Variants in INPP4B observed in about 807,000 individuals in gnomAD.
The protein encoded by INPP4B is inositol polyphosphate 4-phosphatase type II.
In INPP4B, 55 loss-of-function variants were observed where a neutral mutation model predicts 122.5. The observed-to-expected ratio is 0.45, with a 90% CI of 0.36 to 0.56. The LOEUF is 0.56. Among genes scored for constraint, INPP4B ranks in the 20% least tolerant of loss-of-function variants. The pLI is 0.00. For missense variants in INPP4B, 1,000 were observed against 1,097.7 expected, an observed-to-expected ratio of 0.91 and a Z score of 1.26; for synonymous variants, 403 against 388.7, an observed-to-expected ratio of 1.04 and a Z score of -0.43.
intron 7 of INPP4B, among the ~76,000 whole-genome samples, chr4:142,320,646 C>T (rs1769646989): frequency 6.6e-6 from 1 of 152,100 alleles, no homozygotes; most frequent in Non-Finnish European, 1.5e-5. Context: ...AATCCCTCAC[C>T]CCACTCCCAC....
At chr4:142,647,537 A>G (rs992755617) in intron 2 of INPP4B, among the ~76,000 whole-genome samples, 3 of 152,148 alleles carry the variant, frequency 2.0e-5, no homozygotes, top group Admixed American at 6.6e-5. Flanking sequence ...CGCCTGCCCA[A>G]TTGTGTGTGG....
intron 2 of INPP4B, among the ~76,000 whole-genome samples, chr4:142,625,014 C>A (rs1304589457): frequency 2.0e-5 from 3 of 150,692 alleles, no homozygotes; most frequent in Admixed American, 6.6e-5. Flanking sequence ...GACAAACCCA[C>A]AGCCAATATC....
intron 1 of INPP4B, among the ~76,000 whole-genome samples, chr4:142,736,503 A>G (rs1471393366): frequency 6.6e-6 from 1 of 152,144 alleles, no homozygotes; most frequent in Non-Finnish European, 1.5e-5. Context: ...CTCCTTGAAG[A>G]GGTCCTTCAC....
At chr4:142,367,039 G>A (rs1787760463) in intron 7 of INPP4B, among the ~76,000 whole-genome samples, 1 of 152,122 alleles carries the variant, frequency 6.6e-6, no homozygotes, top group South Asian at 2.1e-4. Flanking sequence ...TTAAGGGGAA[G>A]AACCATATGT....
chr4:142,439,407 T>C (rs189597764), intron 3 of INPP4B, among the ~76,000 whole-genome samples: 2 of 152,314 alleles, frequency 1.3e-5, no homozygotes, highest in African/African-American at 2.4e-5. Flanking sequence ...AATAAATCTT[T>C]TGCATGTCTC....
intron 1 of INPP4B, among the ~76,000 whole-genome samples, chr4:142,807,038 T>A (rs1372380576): frequency 6.6e-6 from 1 of 152,202 alleles, no homozygotes; most frequent in Non-Finnish European, 1.5e-5. Flanking sequence ...TGATGTTACA[T>A]GAGCTGTTCC....
rs188672711 is a variant in INPP4B, at chr4:142,747,263, T to A, written c.-253-21362A>T. ...AAAATATTTATGTGGCCAACAAACA[T>A]GAAAAAAAGCTCATCATCACTGGTC... On this transcript the variant is annotated intron_variant, in intron 1 of 25. Transcript: ENST00000262992. Among the ~76,000 whole-genome samples, 5 of 151,922 alleles carry A rather than the reference T, an allele frequency of 3.3e-5. No individual in the cohort carries two copies. The East Asian group carries it at 9.7e-4, about 29-fold the overall frequency.
chr4:142,222,309 T>C (rs541078738), intron 12 of INPP4B, among the ~76,000 whole-genome samples: 21 of 152,348 alleles, frequency 1.4e-4, no homozygotes, highest in African/African-American at 4.6e-4. Flanking sequence ...TATTCAGTTA[T>C]GCAGGCCAGA....
intron 9 of INPP4B, among the ~76,000 whole-genome samples, chr4:142,276,350 C>A (rs1292921358): frequency 6.6e-6 from 1 of 151,848 alleles, no homozygotes; most frequent in African/African-American, 2.4e-5. Context: ...TCTTTCAAGT[C>A]TTTGTATCAG....
At chr4:142,186,258 A>G (rs926922384) in intron 15 of INPP4B, among the ~76,000 whole-genome samples, 1 of 152,226 alleles carries the variant, frequency 6.6e-6, no homozygotes. Context: ...AATGCTTAGC[A>G]TATATAAACT....
At chr4:142,304,247 C>A (rs1762537073) in intron 9 of INPP4B, among the ~76,000 whole-genome samples, 1 of 152,038 alleles carries the variant, frequency 6.6e-6, no homozygotes, top group South Asian at 2.1e-4. Flanking sequence ...TTCTTTTTAG[C>A]TGACCGTTTA....
At chr4:142,071,648 C>A (rs1767427311) in intron 25 of INPP4B, among the ~76,000 whole-genome samples, 1 of 152,032 alleles carries the variant, frequency 6.6e-6, no homozygotes, top group Non-Finnish European at 1.5e-5. Flanking sequence ...AAGAAAAAAT[C>A]AAACAACCCC....
intron 9 of INPP4B, among the ~76,000 whole-genome samples, chr4:142,277,299 CCTGA>C (rs67327669): frequency 0.65 from 97,639 of 150,768 alleles, 32,676 homozygotes; most frequent in East Asian, 0.89. Context: ...TATTTACTCT[CCTGA>C]CTATTTCTTT....
At chr4:142,139,561 C>T (rs532688374) in intron 18 of INPP4B, among the ~76,000 whole-genome samples, 2 of 152,296 alleles carry the variant, frequency 1.3e-5, no homozygotes, top group South Asian at 2.1e-4. Flanking sequence ...CCTGCCTCAG[C>T]CTCCCAAAGT....
chr4:142,098,533 G>A (rs1034785342), intron 23 of INPP4B, among the ~76,000 whole-genome samples: 22 of 152,038 alleles, frequency 1.4e-4, no homozygotes, highest in African/African-American at 4.8e-4. Context: ...ACCTAGAAGA[G>A]GTAAGAAGGG....
At chr4:142,534,384 T>G (rs1221248420) in intron 2 of INPP4B, among the ~76,000 whole-genome samples, 1 of 152,078 alleles carries the variant, frequency 6.6e-6, no homozygotes, top group African/African-American at 2.4e-5. Context: ...CCCTTGTGAA[T>G]GAGATTAGCA....
At chr4:142,416,080 C>T (rs942243999) in intron 5 of INPP4B, among the ~76,000 whole-genome samples, 5 of 151,894 alleles carry the variant, frequency 3.3e-5, no homozygotes, top group African/African-American at 4.8e-5. Flanking sequence ...GTGCAGCACA[C>T]GAGCATGGCA....
intron 11 of INPP4B, among the ~76,000 whole-genome samples, chr4:142,259,588 AT>A (rs1158279028): frequency 3.1e-5 from 2 of 63,532 alleles, no homozygotes; most frequent in East Asian, 2.4e-3. Context: ...CAAGAAAAAA[AT>A]ATAAAATAAT....
At chr4:142,030,045 A>C (rs1187755374) in intron 25 of INPP4B, 1 of 1,385,448 alleles carries the variant, frequency 7.2e-7, no homozygotes, top group African/African-American at 1.4e-5. Context: ...TGAATTTGAA[A>C]ATGTAAAAAT....
Sources: allele counts gnomAD v4.1 joint callset (sites outside exome capture counted in the v4.1 genomes callset), GRCh38; gene constraint gnomAD v4.1.1; transcripts MANE v1.5; gene names NCBI Gene and HGNC (gene_info 2026-07-23, HGNC 2026-07-21).